Variants in DTNB observed in about 807,000 individuals in gnomAD.
DTNB encodes the protein DTN-B.
A neutral mutation model predicts 90.7 loss-of-function variants in DTNB; 63 were observed. That is an observed-to-expected ratio of 0.69 (90% CI 0.57 to 0.86). The LOEUF is 0.86. Ranked by LOEUF, DTNB falls within the 40% of genes least tolerant of loss-of-function variation. The pLI is 0.00. For synonymous variants in DTNB, 277 were observed against 286.7 expected (o/e 0.97, Z 0.34); for missense variants, 744 against 807.1 (o/e 0.92, Z 0.95).
chr2:25,670,127 G>C (rs969195923), intron 1 of DTNB, among the ~76,000 whole-genome samples: 1 of 152,182 alleles, frequency 6.6e-6, no homozygotes, highest in Non-Finnish European at 1.5e-5. Context: ...TAGTTAAGAA[G>C]ACTCAGGTTG....
chr2:25,384,356 G>C (rs1048912492), intron 18 of DTNB, among the ~76,000 whole-genome samples: 2 of 152,230 alleles, frequency 1.3e-5, no homozygotes, highest in Non-Finnish European at 2.9e-5. Context: ...TGACCGCACA[G>C]TGCAAAGTGG....
intron 10 of DTNB, 137 bp downstream of exon 10, chr2:25,482,659 C>T (rs2065204982): frequency 7.4e-6 from 6 of 809,132 alleles, no homozygotes; most frequent in Non-Finnish European, 1.2e-5. Flanking sequence ...GACTAAAAGA[C>T]GGTCAAAGGA....
chr2:25,573,372 C>A (rs1327141484), intron 8 of DTNB, among the ~76,000 whole-genome samples: 1 of 152,188 alleles, frequency 6.6e-6, no homozygotes, highest in East Asian at 1.9e-4. Context: ...AGACCATACC[C>A]TTCATCTGAT....
At chr2:25,649,656 C>T (rs905186635) in intron 2 of DTNB, among the ~76,000 whole-genome samples, 3 of 152,092 alleles carry the variant, frequency 2.0e-5, no homozygotes, top group Admixed American at 6.5e-5. Context: ...GAGGTTGAGT[C>T]TGCAGTGAGC....
chr2:25,517,621 G>T (rs996323381), intron 9 of DTNB, among the ~76,000 whole-genome samples: 1 of 151,972 alleles, frequency 6.6e-6, no homozygotes, highest in Admixed American at 6.6e-5. Flanking sequence ...ACAATATGAG[G>T]GTTCCTCGAA....
At chr2:25,550,740 C>T (rs1476371106) in intron 8 of DTNB, among the ~76,000 whole-genome samples, 7 of 152,124 alleles carry the variant, frequency 4.6e-5, no homozygotes, top group Non-Finnish European at 8.8e-5. Context: ...ACCTCCGCCT[C>T]CTGTATTCAA....
chr2:25,613,941 C>A (rs575775332), intron 4 of DTNB, among the ~76,000 whole-genome samples: 5 of 152,220 alleles, frequency 3.3e-5, no homozygotes, highest in Admixed American at 2.0e-4. Flanking sequence ...CTGGGCGACA[C>A]AGCAAGACTC....
chr2:25,596,793 A>G (rs1573142586), intron 5 of DTNB, among the ~76,000 whole-genome samples: 1 of 152,238 alleles, frequency 6.6e-6, no homozygotes, highest in African/African-American at 2.4e-5. Flanking sequence ...CCAAAGCAGA[A>G]TAAAAGTAAC....
chr2:25,391,424 T>G (rs2041090614), intron 16 of DTNB, among the ~76,000 whole-genome samples: 1 of 152,100 alleles, frequency 6.6e-6, no homozygotes, highest in South Asian at 2.1e-4. Context: ...GGACAAATAA[T>G]ATTTTAAAAT....
At chr2:25,597,190 G>A (rs1025284729) in intron 5 of DTNB, among the ~76,000 whole-genome samples, 19 of 151,926 alleles carry the variant, frequency 1.3e-4, no homozygotes, top group African/African-American at 4.6e-4. Flanking sequence ...AATTAGCCAG[G>A]CATAGTGGTG....
intron 10 of DTNB, among the ~76,000 whole-genome samples, chr2:25,462,725 A>G (rs1254246353): frequency 6.7e-6 from 1 of 149,940 alleles, no homozygotes; most frequent in Non-Finnish European, 1.5e-5. Context: ...TTTTTTTGAG[A>G]CGGAGTCTCG....
At position 25,431,539 on chromosome 2, in the gene DTNB, T is replaced by G. The variant is rs186640432; in HGVS notation, c.1457+1347A>C. 1.2e-4 allele frequency among the ~76,000 whole-genome samples: 19 copies of G among 152,370 alleles called. No individual in the cohort carries two copies. In the South Asian group the frequency reaches 3.9e-3, roughly 32 times the overall value. On this transcript the variant is annotated intron_variant, in intron 14 of 20. Coordinates refer to ENST00000406818, the MANE Select transcript of DTNB (RefSeq NM_021907.5). ...TGATTACTCCAACTTCAGACCCTCA[T>G]TGGTCTCAGATTTACATTTCTGCTT... is the stretch of plus-strand genomic sequence containing the variant.
At chr2:25,672,694 T>G (rs2086332090) in intron 1 of DTNB, 1 of 152,216 alleles carries the variant, frequency 6.6e-6, no homozygotes, top group South Asian at 2.1e-4. Flanking sequence ...CATGTGCATA[T>G]CTTCACAGCC....
chr2:25,661,317 G>A (rs761227190), intron 1 of DTNB, among the ~76,000 whole-genome samples: 16 of 152,164 alleles, frequency 1.1e-4, no homozygotes, highest in Non-Finnish European at 2.2e-4. Flanking sequence ...TGGTATCCAC[G>A]ATATGCACAG....
intron 9 of DTNB, among the ~76,000 whole-genome samples, chr2:25,525,462 C>A (rs112848004): frequency 0.02 from 3,050 of 151,356 alleles, 44 homozygotes; most frequent in Middle Eastern, 0.034. Flanking sequence ...CATTGTGAAA[C>A]CCCACCTCTA....
chr2:25,410,982 T>G (rs1456626657), intron 16 of DTNB, among the ~76,000 whole-genome samples: 2 of 151,644 alleles, frequency 1.3e-5, no homozygotes, highest in Admixed American at 1.3e-4. Flanking sequence ...CTAATCAGAA[T>G]GTATATTCAG....
At chr2:25,395,775 G>C (rs2042217174) in intron 16 of DTNB, among the ~76,000 whole-genome samples, 1 of 152,082 alleles carries the variant, frequency 6.6e-6, no homozygotes. Context: ...AATTTATGTT[G>C]TGAAGAAAGC....
chr2:25,653,723 G>A (rs1225301053), intron 1 of DTNB, among the ~76,000 whole-genome samples: 2 of 151,852 alleles, frequency 1.3e-5, no homozygotes, highest in African/African-American at 4.8e-5. Flanking sequence ...TGTTAGCCAG[G>A]CTGGTCTCGA....
intron 16 of DTNB, among the ~76,000 whole-genome samples, chr2:25,414,052 G>T (rs2047268355): frequency 6.6e-6 from 1 of 152,152 alleles, no homozygotes; most frequent in Non-Finnish European, 1.5e-5. Context: ...ATTTTTTCAT[G>T]TATCTGTTGG....
Sources: gnomAD v4.1 joint callset for allele counts (sites outside exome capture counted in the v4.1 genomes callset) on GRCh38, gnomAD v4.1.1 for gene constraint, MANE v1.5 for transcripts, NCBI Gene and HGNC (gene_info 2026-07-23, HGNC 2026-07-21) for gene names.